The following FHIP1A variants were observed in gnomAD, a reference collection of about 807,000 sequenced individuals.
FHIP1A encodes the protein FHF complex subunit HOOK-interacting protein 1A.
FHIP1A carries 61 observed loss-of-function variants against 88.6 expected under a neutral mutation model. That is an observed-to-expected ratio of 0.69 (90% confidence interval 0.56 to 0.85). The LOEUF (loss-of-function observed/expected upper bound fraction) is 0.85, where lower values mean the gene tolerates loss of function less well. Among genes scored for constraint, FHIP1A ranks in the 40% least tolerant of loss-of-function variants. FHIP1A has a pLI of 0.00. For missense variants in FHIP1A, 1,154 were observed against 1,273.5 expected (o/e 0.91, Z 1.43); for synonymous variants, 478 against 496.0 (o/e 0.96, Z 0.48).
At chr4:151,660,513 T>G (rs1737418663) in intron 13 of FHIP1A, among the ~76,000 whole-genome samples, 1 of 152,220 alleles carries the variant, frequency 6.6e-6, no homozygotes, top group African/African-American at 2.4e-5. Flanking sequence ...ATCAGTTCCT[T>G]CACTCATTTA....
At chr4:151,565,278 C>T (rs1192828352) in intron 3 of FHIP1A, among the ~76,000 whole-genome samples, 1 of 152,102 alleles carries the variant, frequency 6.6e-6, no homozygotes, top group Non-Finnish European at 1.5e-5. Context: ...TCGTCAGTGC[C>T]ACACAAATGG....
chr4:151,418,172 T>TAAAAAAA (rs1040622837), intron 1 of FHIP1A, among the ~76,000 whole-genome samples: 1 of 77,928 alleles, frequency 1.3e-5, no homozygotes, highest in Non-Finnish European at 2.4e-5. Context: ...AACCTATCTC[T>TAAAAAAA]AAAAAAAAAA....
At chr4:151,553,217 G>T (rs891765147) in intron 3 of FHIP1A, among the ~76,000 whole-genome samples, 1 of 152,044 alleles carries the variant, frequency 6.6e-6, no homozygotes, top group Non-Finnish European at 1.5e-5. Flanking sequence ...TTAATGACCT[G>T]CATTTTTATT....
At chr4:151,637,626 A>G (rs1705693240) in intron 8 of FHIP1A, among the ~76,000 whole-genome samples, 1 of 152,172 alleles carries the variant, frequency 6.6e-6, no homozygotes, top group Admixed American at 6.5e-5. Flanking sequence ...ATATTGTGAG[A>G]CAGAACAGAA....
At chr4:151,547,461 A>G (rs978958229) in intron 3 of FHIP1A, among the ~76,000 whole-genome samples, 1 of 152,220 alleles carries the variant, frequency 6.6e-6, no homozygotes, top group Non-Finnish European at 1.5e-5. Context: ...TAAATTTGAT[A>G]AAAAGCAGTG....
intron 5 of FHIP1A, among the ~76,000 whole-genome samples, 182 bp downstream of exon 5, chr4:151,578,258 G>T (rs1044472564): frequency 1.3e-5 from 2 of 152,120 alleles, no homozygotes; most frequent in Non-Finnish European, 1.5e-5. Flanking sequence ...ACGCTATTTG[G>T]CTGAGCAGCA....
At chr4:151,447,188 T>C (rs1161738571) in intron 1 of FHIP1A, among the ~76,000 whole-genome samples, 1 of 152,182 alleles carries the variant, frequency 6.6e-6, no homozygotes, top group Non-Finnish European at 1.5e-5. Flanking sequence ...TTTGGAAGAC[T>C]TCTTAGGACT....
At chr4:151,486,494 C>T (rs1475413755) in intron 3 of FHIP1A, among the ~76,000 whole-genome samples, 2 of 152,130 alleles carry the variant, frequency 1.3e-5, no homozygotes, top group Non-Finnish European at 2.9e-5. Context: ...AAGTAGTTCT[C>T]ATATCTATGA....
chr4:151,656,749 G>C lies in FHIP1A; in HGVS notation c.2731-11G>C. ...GTGAGGCATTAACATCAGTAATGCT[G>C]TTTTTGACAGGTCCTTGCATCTGTG... On this transcript the variant is annotated splice_polypyrimidine_tract_variant and intron_variant, in intron 12 of 13. Transcript: ENST00000435205. The surrounding 1 kb of genome is among the most constrained non-coding windows in gnomAD (Gnocchi z 4.2). 1 of 1,549,260 alleles carries C rather than the reference G, an allele frequency of 6.5e-7. No individual in the cohort carries two copies. The highest frequency in any genetic ancestry group is 8.7e-7 in the Non-Finnish European group (1 of 1,145,956).
chr4:151,480,636 C>T (rs1248975808), intron 2 of FHIP1A, among the ~76,000 whole-genome samples: 4 of 151,924 alleles, frequency 2.6e-5, no homozygotes, highest in Non-Finnish European at 4.4e-5. Context: ...ACTGGTAGTT[C>T]CCAGGTGGTT....
intron 1 of FHIP1A, among the ~76,000 whole-genome samples, chr4:151,417,514 CG>C (rs1404997750): frequency 2.0e-5 from 3 of 152,106 alleles, no homozygotes; most frequent in African/African-American, 7.2e-5. Flanking sequence ...GGGACCAATC[CG>C]AGGTACTTTC....
chr4:151,638,406 T>C (rs1374514146), intron 8 of FHIP1A, among the ~76,000 whole-genome samples: 1 of 151,930 alleles, frequency 6.6e-6, no homozygotes, highest in African/African-American at 2.4e-5. Flanking sequence ...TGTCTGGATC[T>C]TTAAAAGTTG....
At chr4:151,532,204 C>T (rs1357058276) in intron 3 of FHIP1A, among the ~76,000 whole-genome samples, 1 of 152,176 alleles carries the variant, frequency 6.6e-6, no homozygotes, top group African/African-American at 2.4e-5. Flanking sequence ...TTTCCCCTTT[C>T]CACCTTAGGT....
intron 2 of FHIP1A, among the ~76,000 whole-genome samples, chr4:151,473,731 T>C (rs1289021110): frequency 6.6e-6 from 1 of 152,184 alleles, no homozygotes; most frequent in Non-Finnish European, 1.5e-5. Flanking sequence ...ACAGACTGGT[T>C]TAAGAGAGCA....
chr4:151,628,329 C>T (rs1373971170), intron 7 of FHIP1A, among the ~76,000 whole-genome samples: 1 of 152,190 alleles, frequency 6.6e-6, no homozygotes, highest in East Asian at 1.9e-4. Context: ...CACCTGGGCT[C>T]ATCTATCCAG....
intron 3 of FHIP1A, among the ~76,000 whole-genome samples, chr4:151,519,169 T>G (rs932880936): frequency 6.6e-6 from 1 of 152,188 alleles, no homozygotes; most frequent in Non-Finnish European, 1.5e-5. Context: ...TAATCCAAAG[T>G]CTGTCATAAT....
At chr4:151,514,984 A>C (rs1731173548) in intron 3 of FHIP1A, among the ~76,000 whole-genome samples, 1 of 151,970 alleles carries the variant, frequency 6.6e-6, no homozygotes, top group South Asian at 2.1e-4. Context: ...TACCAAAGCC[A>C]GGCAGAGACA....
Position 151,650,595 on chromosome 4 carries a change from G to T in FHIP1A, c.2551+3G>T. Reference sequence around the variant, plus strand: ...GACTCAAAGCACCCCATTCACAGGTGACCATCTTAAATTGCTTTGTGGTTT... The same window carrying T: ...GACTCAAAGCACCCCATTCACAGGTTACCATCTTAAATTGCTTTGTGGTTT... On this transcript the variant is annotated splice_donor_region_variant and intron_variant, in intron 11 of 13. Transcript: ENST00000435205. The T allele has an allele frequency of 6.5e-7, 1 of 1,542,328 alleles. No individual in the cohort carries two copies. Among genetic ancestry groups the T allele is most frequent in the South Asian group, 1.2e-5 (1 of 82,630 alleles).
chr4:151,464,115 T>C (rs1729226658), intron 2 of FHIP1A, among the ~76,000 whole-genome samples: 1 of 152,140 alleles, frequency 6.6e-6, no homozygotes, highest in Non-Finnish European at 1.5e-5. Context: ...GAACTCCCAC[T>C]CCTGGGCTCC....
Sources: gnomAD v4.1 joint callset for allele counts (sites outside exome capture counted in the v4.1 genomes callset) on GRCh38, gnomAD v4.1.1 for gene constraint, Gnocchi (gnomAD v3.1) non-coding constraint, MANE v1.5 for transcripts, NCBI Gene and HGNC (gene_info 2026-07-23, HGNC 2026-07-21) for gene names.